The following CARNMT1 variants were observed in gnomAD, a reference collection of about 807,000 sequenced individuals.
The protein encoded by CARNMT1 is protein-L-histidine N-pros-methyltransferase CARNMT1.
A neutral mutation model predicts 49.6 loss-of-function variants in CARNMT1; 28 were observed. That is an observed-to-expected ratio of 0.56 (90% confidence interval 0.42 to 0.77). The LOEUF is 0.77. Ranked by LOEUF, CARNMT1 falls within the 30% of genes least tolerant of loss-of-function variation. CARNMT1 has a pLI of 0.00. For synonymous variants in CARNMT1, 178 were observed against 175.0 expected (o/e 1.02, Z -0.13); for missense variants, 421 against 512.6 (o/e 0.82, Z 1.73).
At chr9:74,986,283 G>C (rs1464114752) in intron 6 of CARNMT1, among the ~76,000 whole-genome samples, 1 of 152,120 alleles carries the variant, frequency 6.6e-6, no homozygotes, top group Non-Finnish European at 1.5e-5. Context: ...ACATTCTGTG[G>C]ATCACAGGGT....
At chr9:75,018,920 T>C (rs1218943177) in intron 1 of CARNMT1, among the ~76,000 whole-genome samples, 2 of 148,456 alleles carry the variant, frequency 1.3e-5, no homozygotes, top group African/African-American at 5.0e-5. Context: ...TGAGCCGAGA[T>C]TGCACCACTG....
chr9:75,008,182 A>AAC (rs1564100382), intron 3 of CARNMT1, among the ~76,000 whole-genome samples: 23 of 150,742 alleles, frequency 1.5e-4, no homozygotes, highest in African/African-American at 5.4e-4. Context: ...AAAAAAAAAA[A>AAC]AAAAAAAAAA....
At chr9:74,988,435 T>C (rs145222851) in intron 6 of CARNMT1, among the ~76,000 whole-genome samples, 1 of 152,364 alleles carries the variant, frequency 6.6e-6, no homozygotes, top group Admixed American at 6.5e-5. Context: ...TTACATCTTA[T>C]ACTTCATTAG....
At chr9:74,997,576 A>G (rs184189630) in intron 5 of CARNMT1, among the ~76,000 whole-genome samples, 1 of 148,844 alleles carries the variant, frequency 6.7e-6, no homozygotes, top group Admixed American at 6.7e-5. Flanking sequence ...CACTCACTCT[A>G]CTCCCTGATC....
chr9:75,027,202 T>A, intron 1 of CARNMT1: 1 of 1,156,718 alleles, frequency 8.6e-7, no homozygotes. Flanking sequence ...ATTATAATTT[T>A]GTGATTAAGC....
upstream of CARNMT1, chr9:75,028,324 C>A (rs951059169): frequency 7.6e-7 from 1 of 1,314,034 alleles, no homozygotes; most frequent in Non-Finnish European, 9.6e-7. Context: ...TTCCTCTAGA[C>A]GGCGCCCGCC....
intron 1 of CARNMT1, among the ~76,000 whole-genome samples, chr9:75,019,894 T>C (rs1270489972): frequency 6.6e-6 from 1 of 152,196 alleles, no homozygotes; most frequent in Admixed American, 6.5e-5. Flanking sequence ...CCTCTAAATA[T>C]ATTTTGGCAG....
In CARNMT1 at chr9:74,983,250, A is replaced by AG. The variant is rs1832732617; in HGVS notation, c.*516dup. On this transcript the variant is annotated 3_prime_UTR_variant, in exon 8 of 8. Coordinates refer to ENST00000376834, the MANE Select transcript of CARNMT1 (RefSeq NM_152420.3). ...AGACAGAGCGGGATCCTGTCTCTGA[A>AG]GAAAAAAAAAAAAAAAGACATATTT... 3 of 122,720 alleles carry AG rather than the reference A, an allele frequency of 2.4e-5. 1 individual carries two copies. The South Asian group carries it at 9.4e-4, about 39-fold the overall frequency. 7.6% of individuals were successfully genotyped at this position (122,720 alleles called of 1,614,324 possible). A position where few individuals can be genotyped will look rare whatever the true frequency, so the allele number is the denominator to read the frequency against.
At chr9:75,000,447 T>C (rs1253910220) in intron 3 of CARNMT1, among the ~76,000 whole-genome samples, 1 of 152,098 alleles carries the variant, frequency 6.6e-6, no homozygotes, top group East Asian at 1.9e-4. Flanking sequence ...ACATACATGA[T>C]AACAAATATA....
At chr9:75,020,715 GACAA>G (rs1341843997) in intron 1 of CARNMT1, among the ~76,000 whole-genome samples, 1 of 152,096 alleles carries the variant, frequency 6.6e-6, no homozygotes, top group African/African-American at 2.4e-5. Flanking sequence ...AGAAGCTCCT[GACAA>G]ACAACCAAAA....
intron 6 of CARNMT1, among the ~76,000 whole-genome samples, chr9:74,992,497 A>C (rs1035392220): frequency 3.9e-5 from 6 of 152,164 alleles, no homozygotes; most frequent in African/African-American, 1.4e-4. Flanking sequence ...ATACATACAC[A>C]CACACTTTCT....
At chr9:74,993,274 G>A (rs982055943) in intron 6 of CARNMT1, among the ~76,000 whole-genome samples, 1 of 152,154 alleles carries the variant, frequency 6.6e-6, no homozygotes, top group African/African-American at 2.4e-5. Context: ...AGGATCACCT[G>A]AGCTAAGTGT....
At chr9:74,996,973 T>C (rs1564095078) in intron 5 of CARNMT1, among the ~76,000 whole-genome samples, 1 of 152,190 alleles carries the variant, frequency 6.6e-6, no homozygotes. Flanking sequence ...CAGGCACCAG[T>C]TGCCAACTGA....
intron 6 of CARNMT1, 170 bp downstream of exon 6, chr9:74,996,269 CCACTGCCT>C: frequency 6.0e-6 from 3 of 498,422 alleles, no homozygotes; most frequent in Non-Finnish European, 1.1e-5. Context: ...TTCTGAGCTT[CCACTGCCT>C]TTGGAGGGAT....
At chr9:74,996,419 A>G (rs756055581) in intron 6 of CARNMT1, 28 bp downstream of exon 6, 20 of 1,237,144 alleles carry the variant, frequency 1.6e-5, no homozygotes, top group South Asian at 6.4e-5. Flanking sequence ...TTAATATACA[A>G]AATTTTAGTA....
rs1822583929 is a variant in CARNMT1, at chr9:75,028,071, C to T, written c.171G>A (p.Glu57=). The T allele has an allele frequency of 6.3e-7, 1 of 1,577,582 alleles. No individual in the cohort carries two copies. The highest frequency in any genetic ancestry group is 1.4e-5 in the African/African-American group (1 of 71,446). Residue 57 remains glutamate, a synonymous_variant, in exon 1 of 8, where the codon GAG becomes GAA. Coordinates refer to ENST00000376834, the MANE Select transcript of CARNMT1 (RefSeq NM_152420.3). ...AGTGCTCACGCTCAAGCCTCTCCTCCTCCTCCTCGGTGCTGCGCGTGGCCG... is the reference window on the plus strand; with the variant it reads ...AGTGCTCACGCTCAAGCCTCTCCTCTTCCTCCTCGGTGCTGCGCGTGGCCG... ...AAAATRSTEE[E]EERLEREHFW... is the part of the protein sequence containing the mutation.
At position 75,017,348 on chromosome 9, in the gene CARNMT1, T is replaced by C. The variant is rs764728759; in HGVS notation, c.331A>G (p.Lys111Glu). The C allele has an allele frequency of 1.9e-6, 3 of 1,614,072 alleles. No homozygotes were observed. Among genetic ancestry groups the C allele is most frequent in the Non-Finnish European group, 2.5e-6 (3 of 1,179,932 alleles). Residue 111 changes from lysine to glutamate, a missense_variant, in exon 2 of 8, where the codon AAG (lysine) becomes GAG (glutamate). Around this residue, in one of 2 missense-constraint regions of CARNMT1, gnomAD observed 186 missense variants for 167.9 expected, o/e 1.11. Transcript: ENST00000376834. Reference sequence around the variant, plus strand: ...TTATGATCAATGCATTTCCGGATCTTGTCCAAGTGAAGAAGAAACTGAGGA... The same window carrying C: ...TTATGATCAATGCATTTCCGGATCTCGTCCAAGTGAAGAAGAAACTGAGGA... ...LLPQFLLHLD[K>E]IRKCIDHNQE...
At chr9:74,988,183 C>T (rs1832903329) in intron 6 of CARNMT1, among the ~76,000 whole-genome samples, 1 of 152,052 alleles carries the variant, frequency 6.6e-6, no homozygotes, top group Non-Finnish European at 1.5e-5. Flanking sequence ...TCCCAAATAG[C>T]TGGGACTACA....
intron 1 of CARNMT1, among the ~76,000 whole-genome samples, chr9:75,022,270 C>G (rs918049566): frequency 8.4e-6 from 1 of 119,736 alleles, no homozygotes; most frequent in Non-Finnish European, 1.6e-5. Flanking sequence ...GTCACCTAGG[C>G]TGGAGTACAG....
Sources: gnomAD v4.1 joint callset for allele counts (sites outside exome capture counted in the v4.1 genomes callset) on GRCh38, gnomAD v4.1.1 for gene constraint, gnomAD v4.1.1 regional missense constraint, MANE v1.5 for transcripts, NCBI Gene and HGNC (gene_info 2026-07-23, HGNC 2026-07-21) for gene names.